The following PDE1C variants were observed in gnomAD, a reference collection of about 807,000 sequenced individuals.
The protein encoded by PDE1C is dual specificity calcium/calmodulin-dependent 3',5'-cyclic nucleotide phosphodiesterase 1C.
In PDE1C, 62 loss-of-function variants were observed where a neutral mutation model predicts 93.1. The ratio of observed to expected loss-of-function variants is 0.67; its 90% CI spans 0.54 to 0.82. The LOEUF (loss-of-function observed/expected upper bound fraction) is 0.82, where lower values mean the gene tolerates loss of function less well. Among genes scored for constraint, PDE1C ranks in the 40% least tolerant of loss-of-function variants. The probability of loss-of-function intolerance (pLI) is 0.00; values close to 1 mark genes in which losing one functional copy is unlikely to be tolerated. For missense variants in PDE1C, 742 were observed against 884.6 expected (o/e 0.84, Z 2.04); for synonymous variants, 325 against 310.1 (o/e 1.05, Z -0.50).
At chr7:32,200,542 T>C (rs549718821) in intron 2 of PDE1C, among the ~76,000 whole-genome samples, 1 of 152,316 alleles carries the variant, frequency 6.6e-6, no homozygotes, top group South Asian at 2.1e-4. Context: ...TACCTATTGA[T>C]GCGTAACAGA....
intron 14 of PDE1C, among the ~76,000 whole-genome samples, chr7:31,820,374 A>G (rs926792069): frequency 1.3e-5 from 2 of 152,150 alleles, no homozygotes; most frequent in East Asian, 1.9e-4. Flanking sequence ...TAAATGTTAA[A>G]AAAAAGTACT....
chr7:32,244,578 C>G (rs1808781350), intron 1 of PDE1C, among the ~76,000 whole-genome samples: 1 of 152,108 alleles, frequency 6.6e-6, no homozygotes, highest in Non-Finnish European at 1.5e-5. Context: ...GCACGGCTTT[C>G]CAATGAGTGT....
intron 1 of PDE1C, among the ~76,000 whole-genome samples, chr7:32,271,562 T>A (rs116820683): frequency 6.6e-6 from 1 of 152,116 alleles, no homozygotes. Flanking sequence ...TGGAAGAAGA[T>A]ATAGTAGCAG....
chr7:32,031,023 G>A (rs1790233482), intron 2 of PDE1C, among the ~76,000 whole-genome samples: 1 of 152,118 alleles, frequency 6.6e-6, no homozygotes, highest in East Asian at 1.9e-4. Flanking sequence ...AACAATTCCT[G>A]TCCACTGACA....
At chr7:32,010,747 C>T (rs960686917) in intron 2 of PDE1C, among the ~76,000 whole-genome samples, 2 of 152,184 alleles carry the variant, frequency 1.3e-5, no homozygotes, top group African/African-American at 2.4e-5. Context: ...GGCCTCTCTC[C>T]TTGGCTTGGA....
At position 32,247,352 on chromosome 7, in the gene PDE1C, T is replaced by C. The variant is rs189016023; in HGVS notation, c.86-37813A>G. On this transcript the variant is annotated intron_variant, in intron 1 of 18. Transcript: ENST00000396193. ...AGGGTAAGGGCTCCTGTCTTAAGCA[T>C]TGCTGTGTCCTCAATGCCCAGGATA... 1.9e-4 allele frequency among the ~76,000 whole-genome samples: 29 copies of C among 148,870 alleles called. 1 individual carries two copies. Among genetic ancestry groups the C allele is most frequent in the Admixed American group, 1.7e-3 (26 of 14,886 alleles).
intron 1 of PDE1C, among the ~76,000 whole-genome samples, chr7:32,267,819 T>A (rs145003838): frequency 1.1e-4 from 16 of 152,226 alleles, no homozygotes; most frequent in Middle Eastern, 3.4e-3. Flanking sequence ...AAACCACAGT[T>A]ATGACCCCTC....
chr7:31,633,296 G>A, the PDE1C span, among the ~76,000 whole-genome samples: 1 of 152,122 alleles, frequency 6.6e-6, no homozygotes, highest in Non-Finnish European at 1.5e-5. Context: ...AGCTATGACC[G>A]ACAAATGTAA....
chr7:31,687,915 T>C, the PDE1C span, among the ~76,000 whole-genome samples: 3 of 152,234 alleles, frequency 2.0e-5, no homozygotes, highest in African/African-American at 7.2e-5. Flanking sequence ...TACCGTATGG[T>C]AAGCTAAGTG....
chr7:32,225,842 G>A (rs889465548), intron 1 of PDE1C, among the ~76,000 whole-genome samples: 5 of 152,250 alleles, frequency 3.3e-5, no homozygotes, highest in African/African-American at 4.8e-5. Context: ...GGTGGATCAC[G>A]AGGTCAGGAG....
upstream of PDE1C, among the ~76,000 whole-genome samples, chr7:32,073,892 CTTTACAG>C (rs1202904747): frequency 1.3e-5 from 2 of 152,188 alleles, no homozygotes; most frequent in Non-Finnish European, 2.9e-5. Flanking sequence ...CACAACTTTG[CTTTACAG>C]TTTAATTTCC....
At chr7:31,979,655 A>G (rs770572608) in intron 2 of PDE1C, among the ~76,000 whole-genome samples, 6 of 152,190 alleles carry the variant, frequency 3.9e-5, no homozygotes, top group Admixed American at 2.0e-4. Context: ...GAAGACAACA[A>G]TTCCTATACT....
upstream of PDE1C, among the ~76,000 whole-genome samples, chr7:32,074,002 A>G (rs78995794): frequency 0.014 from 2,104 of 152,006 alleles, 29 homozygotes; most frequent in South Asian, 0.064. Context: ...ATGCATACAT[A>G]CATACATATA....
At chr7:32,116,744 CT>C (rs1007288377) in intron 3 of PDE1C, among the ~76,000 whole-genome samples, 35 of 152,232 alleles carry the variant, frequency 2.3e-4, no homozygotes, top group African/African-American at 8.2e-4. Flanking sequence ...ACCTGAAAGC[CT>C]TGTCAGTCCA....
chr7:32,100,352 T>A (rs1234474161), intron 3 of PDE1C, among the ~76,000 whole-genome samples: 1 of 152,232 alleles, frequency 6.6e-6, no homozygotes, highest in African/African-American at 2.4e-5. Context: ...CCATTAGTCA[T>A]CCAGTGCCAT....
At chr7:32,419,699 G>A (rs1785350604) in intron 1 of PDE1C, among the ~76,000 whole-genome samples, 1 of 151,996 alleles carries the variant, frequency 6.6e-6, no homozygotes, top group South Asian at 2.1e-4. Context: ...ATTTTTCCTT[G>A]GCTGAGAAGG....
intron 16 of PDE1C, chr7:31,786,888 TTATATTATCTATCTATCTATC>T (rs1562791350): frequency 2.8e-5 from 4 of 144,018 alleles, no homozygotes; most frequent in East Asian, 2.1e-4. Context: ...AGAAAATATA[TTATATTATCTATCTATCTATC>T]TATCTATCTA....
At position 32,105,039 on chromosome 7, in the gene PDE1C, A is replaced by C. The variant is rs190124250; in HGVS notation, c.308+64746T>G. On this transcript the variant is annotated intron_variant, in intron 3 of 18. Transcript: ENST00000396193. ...TGTGGTTAAAAACTTCATGTCTCCC[A>C]AGCTGGTGAAAATAAGGGTCAAACT... Among the ~76,000 whole-genome samples the C allele has an allele frequency of 8.9e-3, 1,355 of 152,264 alleles. 23 individuals are homozygous for C. Among genetic ancestry groups the C allele is most frequent in the African/African-American group, 0.031 (1,288 of 41,558 alleles).
At chr7:31,734,320 A>T in the PDE1C span, among the ~76,000 whole-genome samples, 1 of 152,156 alleles carries the variant, frequency 6.6e-6, no homozygotes, top group Non-Finnish European at 1.5e-5. Flanking sequence ...TTCATCAGAA[A>T]AGGGGCCCCA....
Sources: allele counts gnomAD v4.1 joint callset (sites outside exome capture counted in the v4.1 genomes callset), GRCh38; gene constraint gnomAD v4.1.1; transcripts MANE v1.5; gene names NCBI Gene and HGNC (gene_info 2026-07-23, HGNC 2026-07-21).